Variants in COL20A1 observed in about 807,000 individuals in gnomAD.
The protein encoded by COL20A1 is collagen type XX alpha 1 chain, also known as collagen alpha-1(XX) chain.
COL20A1 carries 164 observed loss-of-function variants against 152.9 expected under a neutral mutation model. That is an observed-to-expected ratio of 1.07 (90% CI 0.94 to 1.22). The LOEUF (loss-of-function observed/expected upper bound fraction) is 1.22. Among genes scored for constraint, COL20A1 ranks in the 50% most tolerant of loss-of-function variants. COL20A1 has a pLI of 0.00. For missense variants in COL20A1, 1,873 were observed against 1,744.8 expected, an observed-to-expected ratio of 1.07 and a Z score of -1.31; for synonymous variants, 864 against 756.0, an observed-to-expected ratio of 1.14 and a Z score of -2.34.
At position 63,319,666 on chromosome 20, in the gene COL20A1, T is replaced by G. The variant is rs2068133086; in HGVS notation, c.2916+70T>G. 9.5e-7 allele frequency: 1 copy of G among 1,054,816 alleles called. No individual in the cohort carries two copies. The highest frequency in any genetic ancestry group is 1.4e-6 in the Non-Finnish European group (1 of 707,274). The allele number at this position is 1,054,816 out of a possible 1,614,324, so 65.3% of individuals were successfully genotyped here. On this transcript the variant is annotated intron_variant, in intron 23 of 35. Transcript: ENST00000358894. This position sits in a 1 kb window ranked among gnomAD's most constrained non-coding sequence, Gnocchi z 4.4. Reference sequence around the variant, plus strand: ...GGGGCAGCCCAGCCCCACAGGGACCTGCCGGATGCCAACTCCTCTCCCTAG... The same window carrying G: ...GGGGCAGCCCAGCCCCACAGGGACCGGCCGGATGCCAACTCCTCTCCCTAG...
Position 63,297,975 on chromosome 20 carries a change from G to A in COL20A1, c.148G>A (p.Glu50Lys), listed in dbSNP as rs772653429. 5 of 1,612,894 alleles carry A rather than the reference G, an allele frequency of 3.1e-6. No homozygotes were observed. The South Asian group carries it at 5.5e-5, about 18-fold the overall frequency. ...DRLQMKWRES[E>K]GSGLGYLVQV... Reference sequence around the variant, plus strand: ...GCTGCAGATGAAGTGGAGAGAGTCGGAGGGGAGCGGCCTCGGCTACCTGGT... The same window carrying A: ...GCTGCAGATGAAGTGGAGAGAGTCGAAGGGGAGCGGCCTCGGCTACCTGGT... Residue 50 changes from glutamate to lysine, a missense_variant, in exon 3 of 36, where the codon GAG (glutamate) becomes AAG (lysine). Physicochemically the swap from Glu to Lys is moderately conservative, Grantham distance 56. Transcript: ENST00000358894.
At chr20:63,296,143 A>G (rs1243296845) in intron 2 of COL20A1, among the ~76,000 whole-genome samples, 1 of 152,260 alleles carries the variant, frequency 6.6e-6, no homozygotes, top group Non-Finnish European at 1.5e-5. Flanking sequence ...TTGTCTTGCC[A>G]TGCTGATGTG....
chr20:63,318,430 C>A (rs1222582608), intron 21 of COL20A1, among the ~76,000 whole-genome samples: 1 of 152,150 alleles, frequency 6.6e-6, no homozygotes, highest in Non-Finnish European at 1.5e-5. Context: ...CCGATTCTAT[C>A]AGAGGCCCGA....
rs2068362514 is a variant in COL20A1, at chr20:63,333,873, AC to A, written c.*3159del. ...CGTATGGCTGCCAGCCTCTTCATCT[AC>A]CAAGGACCAGGGCAGTGGGGACGGG... On this transcript the variant is annotated 3_prime_UTR_variant, in exon 36 of 36. Coordinates refer to ENST00000358894, the MANE Select transcript of COL20A1 (RefSeq NM_020882.4). The A allele has an allele frequency of 6.6e-6, 1 of 152,292 alleles. No homozygotes were observed. The highest frequency in any genetic ancestry group is 1.5e-5 in the Non-Finnish European group (1 of 68,086). 9.4% of individuals were successfully genotyped at this position (152,292 alleles called of 1,614,324 possible).
chr20:63,308,500 A>G, intron 7 of COL20A1, 42 bp from the exon 8 acceptor site: 1 of 1,503,106 alleles, frequency 6.7e-7, no homozygotes, highest in East Asian at 2.4e-5. Flanking sequence ...CCAGGAGGGG[A>G]TGCTGGCAGC....
At position 63,312,906 on chromosome 20, in the gene COL20A1, C is replaced by T. The variant is rs199774605; in HGVS notation, c.2048C>T (p.Thr683Met). 50 of 1,557,444 alleles carry T rather than the reference C, an allele frequency of 3.2e-5. No individual in the cohort carries two copies. In the East Asian group the frequency reaches 7.0e-4, roughly 22 times the overall value. The change falls in exon 16 of 36, where the codon ACG becomes ATG. Residue 683 changes from threonine to methionine, a missense_variant. Thr to Met is a moderately conservative substitution (Grantham distance 81). Coordinates refer to ENST00000358894, the MANE Select transcript of COL20A1 (RefSeq NM_020882.4). ...GTGCTTGTCTACCAGATCACGTGGACGCCCCTGGGAGAGGGGAAGGCTCAC... is the reference window on the plus strand; with the variant it reads ...GTGCTTGTCTACCAGATCACGTGGATGCCCCTGGGAGAGGGGAAGGCTCAC... The part of the protein sequence containing the change: ...SGVLVYQITW[T>M]PLGEGKAHEI...
rs538605468 is a variant in COL20A1 at position 63,330,093 on chromosome 20, C to G, written c.*3+432C>G. On this transcript the variant is annotated intron_variant, in intron 35 of 35. Coordinates refer to ENST00000358894, the MANE Select transcript of COL20A1 (RefSeq NM_020882.4). ...AGTCCCAGGAGGGGCCTGTGAGGCCCTGGGTATGTCGATGAGAGAGGCAGG... is the reference window on the plus strand; with the variant it reads ...AGTCCCAGGAGGGGCCTGTGAGGCCGTGGGTATGTCGATGAGAGAGGCAGG... 2.6e-5 allele frequency among the ~76,000 whole-genome samples: 4 copies of G among 152,094 alleles called. No homozygotes were observed. The South Asian group carries it at 8.3e-4, about 32-fold the overall frequency.
rs545554846 is a variant in COL20A1, at chr20:63,316,496, C to T, written c.2525-57C>T. The T allele has an allele frequency of 2.6e-5, 39 of 1,506,340 alleles. 1 individual carries two copies. In the Admixed American group the frequency reaches 7.9e-4, roughly 30 times the overall value. The allele number at this position is 1,506,340 out of a possible 1,614,324, so 93.3% of individuals were successfully genotyped here. On this transcript the variant is annotated intron_variant, in intron 20 of 35. Transcript: ENST00000358894. ...GAGTCCCCGCTCCTGCCCCTTCCTCCCTCCCCTGCCATCTCTGAGGGTCCC... is the reference window on the plus strand; with the variant it reads ...GAGTCCCCGCTCCTGCCCCTTCCTCTCTCCCCTGCCATCTCTGAGGGTCCC...
rs543261410 is a variant in COL20A1 at position 63,308,176 on chromosome 20, T to C, written c.775+86T>C. 4.3e-5 allele frequency: 65 copies of C among 1,520,452 alleles called. No homozygotes were observed. In the African/African-American group the frequency reaches 7.0e-4, roughly 16 times the overall value. The allele number at this position is 1,520,452 out of a possible 1,614,324, so 94.2% of individuals were successfully genotyped here. The stretch of plus-strand genomic sequence containing the variant: ...CAGATCCCGAAAGCTTGTGTGTAAA[T>C]CGAGCTCCAAGTGGTGTGGACCTGA... On this transcript the variant is annotated intron_variant, in intron 7 of 35. Coordinates refer to ENST00000358894, the MANE Select transcript of COL20A1 (RefSeq NM_020882.4).
In COL20A1 at chr20:63,321,118, C is replaced by T. The variant is rs1052228135; in HGVS notation, c.3240+19C>T. ...ACCCCCAGTGAGTCCAGTGGCGTCT[C>T]CTTGGGGTGACCAGGGAACACTGGC... On this transcript the variant is annotated intron_variant, in intron 26 of 35. Coordinates refer to ENST00000358894, the MANE Select transcript of COL20A1 (RefSeq NM_020882.4). 1.9e-6 allele frequency: 3 copies of T among 1,550,036 alleles called. No individual in the cohort carries two copies. The African/African-American group carries it at 4.1e-5, about 21-fold the overall frequency.
chr20:63,334,501 G>C lies in COL20A1; in HGVS notation c.*3785G>C, dbSNP rs1236888077. On this transcript the variant is annotated 3_prime_UTR_variant, in exon 36 of 36. Transcript: ENST00000358894. ...ATGATCTCGGCTCAATGCAACCTCT[G>C]TGCCACCCTGGGCTCAAGTGGTCCT... The C allele has an allele frequency of 1.3e-5, 2 of 152,212 alleles. No homozygotes were observed. Among genetic ancestry groups the C allele is most frequent in the Non-Finnish European group, 2.9e-5 (2 of 68,054 alleles). The allele number at this position is 152,212 out of a possible 1,614,324, so 9.4% of individuals were successfully genotyped here.
intron 34 of COL20A1, 30 bp from the exon 35 acceptor site, chr20:63,329,555 C>T (rs763535739): frequency 3.8e-5 from 60 of 1,584,918 alleles, no homozygotes; most frequent in Non-Finnish European, 4.6e-5. Flanking sequence ...TGCATTGCTC[C>T]GTCCTCACAT....
intron 5 of COL20A1, among the ~76,000 whole-genome samples, 188 bp from the exon 6 acceptor site, chr20:63,307,302 C>T (rs1172273606): frequency 6.6e-6 from 1 of 152,250 alleles, no homozygotes; most frequent in Admixed American, 6.5e-5. Flanking sequence ...TTAGCGGTGG[C>T]TCGATGTGCA....
At chr20:63,325,580 C>T (rs2068233907) in intron 28 of COL20A1, 86 bp downstream of exon 28, 2 of 1,545,004 alleles carry the variant, frequency 1.3e-6, no homozygotes, top group Non-Finnish European at 8.9e-7. Flanking sequence ...CTGGGGGGCA[C>T]AGGGGTTGGG....
chr20:63,307,578 C>G lies in COL20A1; in HGVS notation c.585C>G (p.Phe195Leu). 1 of 1,612,692 alleles carries G rather than the reference C, an allele frequency of 6.2e-7. No homozygotes were observed. Among genetic ancestry groups the G allele is most frequent in the South Asian group, 1.1e-5 (1 of 91,084 alleles). Residue 195 changes from phenylalanine (F) to leucine (L), a missense_variant, in exon 6 of 36, where the codon TTC (phenylalanine) becomes TTG (leucine). Phe to Leu is a conservative substitution (Grantham distance 22). Transcript: ENST00000358894. ...CCTGGAGCATTGGCCACAGTCACTT[C>G]CAGCAGGTCAAGGACTTCCTGGCCA... ...DGSWSIGHSH[F>L]QQVKDFLASV...
rs763783867 is a variant in COL20A1, at chr20:63,313,113, C to G, written c.2077-4C>G. ...GGTGACCCCTGGGGCTCTCCTCTCC[C>G]TAGATCTCTGTCCCAGGGAACCTCG... On this transcript the variant is annotated splice_polypyrimidine_tract_variant and splice_region_variant and intron_variant, in intron 16 of 35. Coordinates refer to ENST00000358894, the MANE Select transcript of COL20A1 (RefSeq NM_020882.4). The surrounding 1 kb of genome is among the most constrained non-coding windows in gnomAD (Gnocchi z 5.9). The G allele has an allele frequency of 7.5e-6, 12 of 1,605,758 alleles. No homozygotes were observed. The East Asian group carries it at 2.2e-4, about 30-fold the overall frequency.
At position 63,332,288 on chromosome 20, in the gene COL20A1, A is replaced by G. The variant is rs2068342704; in HGVS notation, c.*1572A>G. 1 of 152,328 alleles carries G rather than the reference A, an allele frequency of 6.6e-6. No individual in the cohort carries two copies. The highest frequency in any genetic ancestry group is 2.4e-5 in the African/African-American group (1 of 41,466). The allele number at this position is 152,328 out of a possible 1,614,324, so 9.4% of individuals were successfully genotyped here. ...GTTGTTGAGAGCAGCAGCCCAAGCC[A>G]GCCCCTCCGTCCTGCAGGGAGGACA... On this transcript the variant is annotated 3_prime_UTR_variant, in exon 36 of 36. Coordinates refer to ENST00000358894, the MANE Select transcript of COL20A1 (RefSeq NM_020882.4).
chr20:63,295,627 C>T (rs1368697126), intron 2 of COL20A1, among the ~76,000 whole-genome samples: 2 of 152,188 alleles, frequency 1.3e-5, no homozygotes, highest in African/African-American at 4.8e-5. Flanking sequence ...CCGTGCGCAT[C>T]CCTGGGCGAC....
intron 26 of COL20A1, among the ~76,000 whole-genome samples, chr20:63,321,432 T>C (rs2068161452): frequency 6.6e-6 from 1 of 152,174 alleles, no homozygotes; most frequent in Non-Finnish European, 1.5e-5. Flanking sequence ...CGAACCCTCC[T>C]CTGGCGTGGA....
Sources: allele counts gnomAD v4.1 joint callset (sites outside exome capture counted in the v4.1 genomes callset), GRCh38; gene constraint gnomAD v4.1.1; non-coding constraint Gnocchi (gnomAD v3.1); transcripts MANE v1.5; gene names NCBI Gene and HGNC (gene_info 2026-07-23, HGNC 2026-07-21).